The following TUB variants were observed in gnomAD, a reference collection of about 807,000 sequenced individuals.
TUB encodes TUB bipartite transcription factor.
Under a neutral mutation model 59.7 loss-of-function variants are expected in TUB, and 33 were observed. That is an observed-to-expected ratio of 0.55 (90% CI 0.42 to 0.74). TUB has a LOEUF of 0.74. TUB is among the 30% of genes least tolerant of loss of function. The pLI is 0.00. For missense variants in TUB, 659 were observed against 672.0 expected (o/e 0.98, Z 0.21); for synonymous variants, 293 against 256.4 (o/e 1.14, Z -1.36).
chr11:8,059,725 C>T (rs529953078), intron 2 of TUB, among the ~76,000 whole-genome samples: 1 of 152,196 alleles, frequency 6.6e-6, no homozygotes, highest in East Asian at 1.9e-4. Context: ...GTCCTGCAGC[C>T]TCGTAAGCCT....
chr11:8,097,329 C>G lies in TUB; in HGVS notation c.789C>G (p.Ile263Met). Reference sequence around the variant, plus strand: ...CACTGAGGCCGGCCCCCCAGGGTATCACCATCAAATGCCGCATCACTCGGG... The same window carrying G: ...CACTGAGGCCGGCCCCCCAGGGTATGACCATCAAATGCCGCATCACTCGGG... ...EFALRPAPQG[I>M]TIKCRITRDK... Residue 263 changes from isoleucine (I) to methionine (M), a missense_variant, in exon 7 of 12, where the codon ATC becomes ATG. Ile to Met is a conservative substitution (Grantham distance 10). This residue lies in a region of TUB where 112 missense variants were observed against 156.9 expected (regional missense o/e 0.71). Coordinates refer to ENST00000299506, the MANE Select transcript of TUB (RefSeq NM_177972.3). 1 of 1,614,176 alleles carries G rather than the reference C, an allele frequency of 6.2e-7. No homozygotes were observed. The highest frequency in any genetic ancestry group is 8.5e-7 in the Non-Finnish European group (1 of 1,180,038).
upstream of TUB, chr11:8,077,455 T>A (rs371693657): frequency 6.6e-6 from 1 of 152,260 alleles, no homozygotes; most frequent in African/African-American, 2.4e-5. Context: ...ATTGGGCATG[T>A]ACTCTCATGT....
intron 2 of TUB, among the ~76,000 whole-genome samples, chr11:8,042,954 T>G (rs1173767264): frequency 6.6e-6 from 1 of 152,218 alleles, no homozygotes; most frequent in Non-Finnish European, 1.5e-5. Flanking sequence ...TGAAGTCTAA[T>G]TTATCTAGTT....
chr11:8,038,915 C>A, exon 1 of TUB: 2 of 1,614,080 alleles, frequency 1.2e-6, no homozygotes, highest in South Asian at 1.1e-5. Context: ...GGGTTTCTTT[C>A]TTTGCCGAGA....
At chr11:8,097,904 T>A (rs1944071291) in intron 8 of TUB, 78 bp downstream of exon 8, 2 of 1,101,626 alleles carry the variant, frequency 1.8e-6, no homozygotes, top group South Asian at 2.8e-5. Context: ...GGCCTGAATC[T>A]TCCTGAAGGA....
At position 8,102,663 on chromosome 11, in the gene TUB, T is replaced by A. The variant is rs936989265; in HGVS notation, c.*1044T>A. 1.3e-5 allele frequency: 2 copies of A among 152,172 alleles called. No homozygotes were observed. The highest frequency in any genetic ancestry group is 2.9e-5 in the Non-Finnish European group (2 of 68,046). 9.4% of individuals were successfully genotyped at this position (152,172 alleles called of 1,614,324 possible). On this transcript the variant is annotated 3_prime_UTR_variant, in exon 12 of 12. Coordinates refer to ENST00000299506, the MANE Select transcript of TUB (RefSeq NM_177972.3). ...CTGCTGTCAGCCAAGTCATGGTTGG[T>A]AACCATGTAGGTTCTTGGGAGGGAA...
At position 8,104,885 on chromosome 11, in the gene TUB, T is replaced by G. The variant is rs1944474010; in HGVS notation, c.*3266T>G. ...TATAAGAGAACTTTCGGAGCCTGCC[T>G]CCTTCAGTGACAAGTAGGGCACAAA... On this transcript the variant is annotated 3_prime_UTR_variant, in exon 12 of 12. Transcript: ENST00000299506. 6.6e-6 allele frequency: 1 copy of G among 151,020 alleles called. No individual in the cohort carries two copies. The highest frequency in any genetic ancestry group is 2.4e-5 in the African/African-American group (1 of 41,182). 9.4% of individuals were successfully genotyped at this position (151,020 alleles called of 1,614,324 possible). A position where few individuals can be genotyped will look rare whatever the true frequency, so the allele number is the denominator to read the frequency against.
upstream of TUB, chr11:8,036,014 A>T (rs1942641363): frequency 6.6e-6 from 1 of 152,330 alleles, no homozygotes; most frequent in Non-Finnish European, 1.5e-5. Context: ...ACCTGTCTCC[A>T]GAGAATACCC....
At chr11:8,019,955 G>A (rs1286179702) in intron 1 of TUB, among the ~76,000 whole-genome samples, 1 of 152,220 alleles carries the variant, frequency 6.6e-6, no homozygotes, top group Non-Finnish European at 1.5e-5. Context: ...CCGCCCCGCG[G>A]GGATGGCGAG....
At chr11:8,036,531 A>G (rs1942649111), upstream of TUB, among the ~76,000 whole-genome samples, 1 of 152,236 alleles carries the variant, frequency 6.6e-6, no homozygotes, top group Non-Finnish European at 1.5e-5. Context: ...CTGTGGGGCC[A>G]TGGAGGACAG....
chr11:8,067,844 C>T (rs1224672439), intron 2 of TUB: 2 of 152,332 alleles, frequency 1.3e-5, no homozygotes, highest in African/African-American at 4.8e-5. Context: ...TGCGCTTTTC[C>T]AGTCACTTGC....
intron 1 of TUB, among the ~76,000 whole-genome samples, chr11:8,025,795 G>A (rs1052740419): frequency 6.6e-6 from 1 of 152,290 alleles, no homozygotes; most frequent in East Asian, 1.9e-4. Context: ...TTGTATGGAC[G>A]TATACTTTTG....
At chr11:8,066,633 A>G (rs1943247879) in intron 2 of TUB, among the ~76,000 whole-genome samples, 1 of 152,174 alleles carries the variant, frequency 6.6e-6, no homozygotes, top group Non-Finnish European at 1.5e-5. Context: ...AGAGGAGTTC[A>G]GGGTTCTGAA....
At chr11:8,081,608 G>T (rs1943565987) in intron 1 of TUB, 60 bp downstream of exon 1, 1 of 1,453,222 alleles carries the variant, frequency 6.9e-7, no homozygotes. Flanking sequence ...AGCTGGCTGG[G>T]GATACGCGGC....
chr11:8,098,674 G>C lies in TUB; in HGVS notation c.999-84G>C. 3.0e-6 allele frequency: 3 copies of C among 990,310 alleles called. No homozygotes were observed. The South Asian group carries it at 4.6e-5, about 15-fold the overall frequency. 61.3% of individuals were successfully genotyped at this position (990,310 alleles called of 1,614,324 possible). A position where few individuals can be genotyped will look rare whatever the true frequency, so the allele number is the denominator to read the frequency against. On this transcript the variant is annotated intron_variant, in intron 8 of 11. Coordinates refer to ENST00000299506, the MANE Select transcript of TUB (RefSeq NM_177972.3). ...TGTTCCAGCCCAGAATGTTTTGCAG[G>C]CTCCTCATAGGACAGACGATGAGCT... is the stretch of plus-strand genomic sequence containing the variant.
intron 1 of TUB, among the ~76,000 whole-genome samples, chr11:8,027,862 C>G (rs924755753): frequency 1.1e-4 from 16 of 152,178 alleles, no homozygotes; most frequent in African/African-American, 3.9e-4. Flanking sequence ...TGGATTGTTT[C>G]TACCTTTTGG....
intron 1 of TUB, among the ~76,000 whole-genome samples, chr11:8,084,964 C>A (rs1357086383): frequency 6.6e-6 from 1 of 152,230 alleles, no homozygotes; most frequent in Non-Finnish European, 1.5e-5. Context: ...TGATTTCTTT[C>A]AAGTTCTTCC....
At chr11:8,019,442 A>C (rs938440869) in intron 1 of TUB, 13 of 1,212,098 alleles carry the variant, frequency 1.1e-5, no homozygotes, top group Non-Finnish European at 1.3e-5. Context: ...GGGGGCTAGG[A>C]CTGGCGCGAG....
At position 8,101,628 on chromosome 11, in the gene TUB, T is replaced by C; in HGVS notation, c.*9T>C. 6.2e-7 allele frequency: 1 copy of C among 1,614,070 alleles called. No individual in the cohort carries two copies. Among genetic ancestry groups the C allele is most frequent in the South Asian group, 1.1e-5 (1 of 91,066 alleles). ...AGCTGGCGTGCGAGTAGAGGCCTCT[T>C]CGTGCCCTTTGGGGTTGCCCAGCCT... On this transcript the variant is annotated 3_prime_UTR_variant, in exon 12 of 12. Transcript: ENST00000299506.
Sources: allele counts gnomAD v4.1 joint callset (sites outside exome capture counted in the v4.1 genomes callset), GRCh38; gene constraint gnomAD v4.1.1; regional missense constraint gnomAD v4.1.1; transcripts MANE v1.5; gene names NCBI Gene and HGNC (gene_info 2026-07-23, HGNC 2026-07-21).